Variants in TEAD1 observed in about 807,000 individuals in gnomAD.
TEAD1 encodes transcriptional enhancer factor TEF-1.
A neutral mutation model predicts 54.9 loss-of-function variants in TEAD1; 9 were observed. That is an observed-to-expected ratio of 0.16 (90% CI 0.10 to 0.29). The LOEUF is 0.29. Ranked by LOEUF, TEAD1 falls within the 10% of genes least tolerant of loss-of-function variation. TEAD1 has a pLI of 1.00. For missense variants in TEAD1, 387 were observed against 535.9 expected, an observed-to-expected ratio of 0.72 and a Z score of 2.74; for synonymous variants, 200 against 187.8, an observed-to-expected ratio of 1.07 and a Z score of -0.53.
chr11:12,768,208 T>TA (rs1945246111), intron 3 of TEAD1, among the ~76,000 whole-genome samples: 1 of 152,198 alleles, frequency 6.6e-6, no homozygotes, highest in African/African-American at 2.4e-5. Flanking sequence ...CACTTCTAGA[T>TA]ATCAGATTTT....
At chr11:12,856,321 T>C (rs1947378243) in intron 3 of TEAD1, among the ~76,000 whole-genome samples, 1 of 152,116 alleles carries the variant, frequency 6.6e-6, no homozygotes, top group South Asian at 2.1e-4. Context: ...GTTGCAATCA[T>C]GACATGTGCT....
At chr11:12,704,271 A>G (rs535272128) in intron 2 of TEAD1, among the ~76,000 whole-genome samples, 3 of 152,196 alleles carry the variant, frequency 2.0e-5, no homozygotes, top group Admixed American at 6.5e-5. Context: ...CGGAGGGGCC[A>G]CTGTTTTCCT....
intron 4 of TEAD1, among the ~76,000 whole-genome samples, chr11:12,863,328 C>G (rs1947547053): frequency 6.6e-6 from 1 of 152,166 alleles, no homozygotes. Flanking sequence ...TGCCAGCACG[C>G]AGAGGCAGCG....
At chr11:12,840,612 A>G (rs961794235) in intron 3 of TEAD1, among the ~76,000 whole-genome samples, 6 of 152,080 alleles carry the variant, frequency 3.9e-5, no homozygotes, top group Non-Finnish European at 7.3e-5. Context: ...CTCTTCCTGC[A>G]GTTTGGAAGT....
At chr11:12,856,443 T>C (rs1164638035) in intron 3 of TEAD1, among the ~76,000 whole-genome samples, 2 of 152,122 alleles carry the variant, frequency 1.3e-5, no homozygotes, top group Non-Finnish European at 2.9e-5. Context: ...GGTAGGTTCA[T>C]GAAGGATGAG....
At chr11:12,688,949 G>A (rs1943394827) in intron 2 of TEAD1, among the ~76,000 whole-genome samples, 1 of 151,342 alleles carries the variant, frequency 6.6e-6, no homozygotes, top group Non-Finnish European at 1.5e-5. Flanking sequence ...TCCTCCTTTG[G>A]GTTTAGTTTT....
intron 3 of TEAD1, among the ~76,000 whole-genome samples, chr11:12,817,139 A>G (rs1019689408): frequency 1.3e-5 from 2 of 152,118 alleles, no homozygotes; most frequent in African/African-American, 4.8e-5. Context: ...CGCTGCTTGG[A>G]TTGAATTGGA....
intron 2 of TEAD1, among the ~76,000 whole-genome samples, chr11:12,723,538 G>A (rs1487503858): frequency 6.6e-6 from 1 of 152,164 alleles, no homozygotes; most frequent in Non-Finnish European, 1.5e-5. Flanking sequence ...TAGGTCATAA[G>A]TTAATAGGGC....
intron 10 of TEAD1, among the ~76,000 whole-genome samples, 176 bp from the exon 11 acceptor site, chr11:12,924,736 A>G (rs1303561964): frequency 2.0e-5 from 3 of 152,202 alleles, no homozygotes; most frequent in African/African-American, 7.2e-5. Context: ...TGCCCAAATT[A>G]GCAAACTCTT....
At chr11:12,757,404 C>T (rs1249504184) in intron 2 of TEAD1, among the ~76,000 whole-genome samples, 1 of 152,146 alleles carries the variant, frequency 6.6e-6, no homozygotes, top group Non-Finnish European at 1.5e-5. Context: ...TATATTGTCT[C>T]AAAAGTTACC....
chr11:12,811,600 C>G (rs1394443827), intron 3 of TEAD1, among the ~76,000 whole-genome samples: 1 of 152,108 alleles, frequency 6.6e-6, no homozygotes, highest in Non-Finnish European at 1.5e-5. Flanking sequence ...TAAGGCAGAA[C>G]AAAAACAGGA....
chr11:12,856,169 C>A (rs980190828), intron 3 of TEAD1, among the ~76,000 whole-genome samples: 4 of 147,292 alleles, frequency 2.7e-5, no homozygotes, highest in African/African-American at 5.0e-5. Context: ...TGATCTGGTG[C>A]CAAATTGGGA....
chr11:12,779,959 T>C (rs1945510174), intron 3 of TEAD1, among the ~76,000 whole-genome samples: 1 of 152,202 alleles, frequency 6.6e-6, no homozygotes, highest in African/African-American at 2.4e-5. Context: ...AGCAAATGTA[T>C]GTAATAGTAA....
intron 2 of TEAD1, among the ~76,000 whole-genome samples, chr11:12,741,856 A>G (rs1944657526): frequency 6.6e-6 from 1 of 152,218 alleles, no homozygotes; most frequent in Non-Finnish European, 1.5e-5. Flanking sequence ...CACAGTGGCC[A>G]GAGTCTGGGC....
chr11:12,780,274 G>A (rs749223001), intron 3 of TEAD1, among the ~76,000 whole-genome samples: 6 of 137,920 alleles, frequency 4.4e-5, no homozygotes, highest in African/African-American at 1.4e-4. Flanking sequence ...ATGGAGTTTC[G>A]CTCTTGTCAC....
chr11:12,679,201 C>G (rs1056567020), intron 2 of TEAD1, among the ~76,000 whole-genome samples: 3 of 152,048 alleles, frequency 2.0e-5, no homozygotes, highest in Non-Finnish European at 2.9e-5. Context: ...TTGTGGCAGG[C>G]CAAGGGAAGG....
chr11:12,871,893 C>G (rs1947753196), intron 5 of TEAD1, among the ~76,000 whole-genome samples: 1 of 152,178 alleles, frequency 6.6e-6, no homozygotes. Flanking sequence ...AAAACCTGTA[C>G]TTGCTGACAT....
At chr11:12,820,725 C>G (rs895235054) in intron 3 of TEAD1, among the ~76,000 whole-genome samples, 2 of 152,124 alleles carry the variant, frequency 1.3e-5, no homozygotes, top group African/African-American at 4.8e-5. Context: ...AAAGAAAAAC[C>G]CTTGGCCTGT....
chr11:12,821,806 A>C lies in TEAD1; in HGVS notation c.203-40444A>C, dbSNP rs1047099353. 7.2e-5 allele frequency among the ~76,000 whole-genome samples: 11 copies of C among 152,034 alleles called. No homozygotes were observed. In the East Asian group the frequency reaches 1.9e-3, roughly 27 times the overall value. On this transcript the variant is annotated intron_variant, in intron 3 of 12. Transcript: ENST00000527636. ...CATTGATATGAATGCTTTTATCAAT[A>C]GAGCATTGATAAGGCATTTCATGGA...
Sources: gnomAD v4.1 joint callset for allele counts (sites outside exome capture counted in the v4.1 genomes callset) on GRCh38, gnomAD v4.1.1 for gene constraint, MANE v1.5 for transcripts, NCBI Gene and HGNC (gene_info 2026-07-23, HGNC 2026-07-21) for gene names.